Variants in BANP observed in about 807,000 individuals in gnomAD.
BANP encodes the protein BTG3 associated nuclear protein, also known as protein BANP.
In BANP, 11 loss-of-function variants were observed where a neutral mutation model predicts 68.1. The observed-to-expected ratio is 0.16, with a 90% CI of 0.10 to 0.27. The LOEUF (loss-of-function observed/expected upper bound fraction) is 0.27. Ranked by LOEUF, BANP falls within the 10% of genes least tolerant of loss-of-function variation. BANP has a pLI of 1.00. For synonymous variants in BANP, 329 were observed against 303.2 expected, an observed-to-expected ratio of 1.09 and a Z score of -0.88; for missense variants, 504 against 722.7, an observed-to-expected ratio of 0.70 and a Z score of 3.47.
chr16:88,040,535 C>A (rs2080507375), intron 11 of BANP, among the ~76,000 whole-genome samples: 1 of 150,350 alleles, frequency 6.7e-6, no homozygotes, highest in African/African-American at 2.5e-5. Context: ...TCCTCCCCGT[C>A]CCCGTGCCTA....
At chr16:88,031,325 T>C (rs1267548803) in intron 8 of BANP, among the ~76,000 whole-genome samples, 1 of 152,220 alleles carries the variant, frequency 6.6e-6, no homozygotes, top group Non-Finnish European at 1.5e-5. Flanking sequence ...GCTAGGCAAT[T>C]TCTAGCATAT....
rs532949620 is a variant in BANP, at chr16:88,015,977, C to T, written c.656-2451C>T. The stretch of plus-strand genomic sequence containing the variant: ...TGCGCCCAGTCTGGGTTTGGGAGTC[C>T]GGGGACCTTGCAGTGGGACAGTTCC... On this transcript the variant is annotated intron_variant, in intron 6 of 13. Transcript: ENST00000682872. Among the ~76,000 whole-genome samples, 16 of 152,266 alleles carry T rather than the reference C, an allele frequency of 1.1e-4. No homozygotes were observed. In the East Asian group the frequency reaches 1.4e-3, roughly 13 times the overall value.
intron 8 of BANP, among the ~76,000 whole-genome samples, chr16:88,027,859 T>G (rs1416589057): frequency 6.6e-6 from 1 of 152,238 alleles, no homozygotes; most frequent in South Asian, 2.1e-4. Context: ...TCGGGCCTGC[T>G]CCAGGCTCCT....
Position 88,071,954 on chromosome 16 carries a change from G to C in BANP, c.1378-115G>C, listed in dbSNP as rs2090450572. 6 of 1,399,986 alleles carry C rather than the reference G, an allele frequency of 4.3e-6. No homozygotes were observed. The highest frequency in any genetic ancestry group is 1.4e-5 in the African/African-American group (1 of 70,096). The allele number at this position is 1,399,986 out of a possible 1,614,324, so 86.7% of individuals were successfully genotyped here. The stretch of plus-strand genomic sequence containing the variant: ...GGTGTGGCCCTGAGGCCGTGTCCCT[G>C]CCGCTCAGGGGACAGCACGTGTGGG... On this transcript the variant is annotated intron_variant, in intron 12 of 13. Coordinates refer to ENST00000682872, the MANE Select transcript of BANP (RefSeq NM_001386991.1). This position sits in a 1 kb window ranked among gnomAD's most constrained non-coding sequence, Gnocchi z 6.5.
chr16:87,955,398 A>G (rs943112194), intron 1 of BANP, among the ~76,000 whole-genome samples: 3 of 152,222 alleles, frequency 2.0e-5, no homozygotes, highest in Admixed American at 2.0e-4. Flanking sequence ...GACTTTACAG[A>G]AAAGATGCAA....
chr16:87,973,794 A>C (rs1232582416), intron 1 of BANP, among the ~76,000 whole-genome samples: 3 of 151,844 alleles, frequency 2.0e-5, no homozygotes, highest in Non-Finnish European at 4.4e-5. Flanking sequence ...AAAAAATTCT[A>C]GAGTTGCCAT....
At chr16:87,956,456 G>A (rs965451233) in intron 1 of BANP, 4 of 152,254 alleles carry the variant, frequency 2.6e-5, no homozygotes, top group Admixed American at 6.5e-5. Context: ...TGAACCATCC[G>A]GAACTTTGGG....
chr16:88,033,629 G>C (rs2078686186), intron 9 of BANP, among the ~76,000 whole-genome samples: 1 of 152,200 alleles, frequency 6.6e-6, no homozygotes, highest in Admixed American at 6.5e-5. Flanking sequence ...CTCTTACTGA[G>C]GGAAAGAGTA....
chr16:88,051,001 CTGCT>C (rs1425912281), intron 11 of BANP, among the ~76,000 whole-genome samples: 1 of 152,222 alleles, frequency 6.6e-6, no homozygotes, highest in Non-Finnish European at 1.5e-5. Context: ...TGTTTCTCAT[CTGCT>C]TGCTGGTAGG....
At position 88,036,766 on chromosome 16, in the gene BANP, G is replaced by A. The variant is rs928825804; in HGVS notation, c.1273-1207G>A. 1.3e-5 allele frequency among the ~76,000 whole-genome samples: 2 copies of A among 152,218 alleles called. No homozygotes were observed. The highest frequency in any genetic ancestry group is 4.8e-5 in the African/African-American group (2 of 41,456). On this transcript the variant is annotated intron_variant, in intron 10 of 13. Coordinates refer to ENST00000682872, the MANE Select transcript of BANP (RefSeq NM_001386991.1). The surrounding 1 kb of genome is among the most constrained non-coding windows in gnomAD (Gnocchi z 4.2). ...ATGGATGGAAGGAAGCAGCAGGGCG[G>A]GGAGCAGGTAGGGGACGGTCCCAGG...
chr16:88,018,716 C>T lies in BANP; in HGVS notation c.895+49C>T, dbSNP rs1185842463. On this transcript the variant is annotated intron_variant, in intron 7 of 13. Coordinates refer to ENST00000682872, the MANE Select transcript of BANP (RefSeq NM_001386991.1). The surrounding 1 kb of genome is among the most constrained non-coding windows in gnomAD (Gnocchi z 7.7). ...GACTGGGGTGTGCGGGGAGCTGGGT[C>T]AGGACCCACATTTCAATGCTGAGGA... 7 of 1,524,004 alleles carry T rather than the reference C, an allele frequency of 4.6e-6. No homozygotes were observed. In the South Asian group the frequency reaches 8.6e-5, roughly 19 times the overall value. The allele number at this position is 1,524,004 out of a possible 1,614,324, so 94.4% of individuals were successfully genotyped here.
intron 11 of BANP, among the ~76,000 whole-genome samples, chr16:88,045,668 G>A (rs1486757197): frequency 1.3e-5 from 2 of 152,072 alleles, no homozygotes; most frequent in Admixed American, 6.5e-5. Flanking sequence ...AATTGGAGGT[G>A]TGGTGCCACC....
At position 88,006,186 on chromosome 16, in the gene BANP, C is replaced by T. The variant is rs528806022; in HGVS notation, c.576C>T (p.Ser192=). 1.2e-5 allele frequency: 19 copies of T among 1,613,810 alleles called. No individual in the cohort carries two copies. The highest frequency in any genetic ancestry group is 3.3e-5 in the Admixed American group (2 of 60,026). ...ACGGGGAGAGCGGCTCGGAGGCCAG[C>T]GACTCTGTGTCCAGCTGTGGGCAGG... The part of the protein sequence containing the change: ...HEDGESGSEA[S]DSVSSCGQAG... Residue 192 remains serine, a synonymous_variant, in exon 6 of 14, where the codon AGC becomes AGT. Transcript: ENST00000682872.
chr16:88,029,109 C>G (rs113534767), intron 8 of BANP, among the ~76,000 whole-genome samples: 1 of 151,590 alleles, frequency 6.6e-6, no homozygotes, highest in East Asian at 2.0e-4. Flanking sequence ...CAGTTTGAGA[C>G]CAGCCTGGAC....
upstream of BANP, among the ~76,000 whole-genome samples, chr16:87,949,931 C>G (rs367945311): frequency 3.3e-3 from 485 of 148,720 alleles, 5 homozygotes; most frequent in African/African-American, 0.012. Flanking sequence ...AGGCTGGAGT[C>G]CAGTGGCGCC....
At chr16:88,029,673 T>C (rs1598624095) in intron 8 of BANP, among the ~76,000 whole-genome samples, 2 of 151,402 alleles carry the variant, frequency 1.3e-5, no homozygotes, top group African/African-American at 4.9e-5. Flanking sequence ...AGGAACCAGA[T>C]TGAATTCTCT....
At chr16:87,994,569 A>G (rs1051179612) in intron 4 of BANP, among the ~76,000 whole-genome samples, 2 of 152,224 alleles carry the variant, frequency 1.3e-5, no homozygotes, top group African/African-American at 4.8e-5. Context: ...TTCATTAGAT[A>G]TTAGGAAGAA....
chr16:87,953,923 T>C (rs967747295), intron 1 of BANP, among the ~76,000 whole-genome samples: 2 of 152,218 alleles, frequency 1.3e-5, no homozygotes, highest in Admixed American at 6.5e-5. Flanking sequence ...TCTTCCTCCT[T>C]GTGGAGACCC....
At chr16:88,047,193 CG>C (rs1334735801) in intron 11 of BANP, among the ~76,000 whole-genome samples, 1 of 152,132 alleles carries the variant, frequency 6.6e-6, no homozygotes, top group African/African-American at 2.4e-5. Flanking sequence ...CCAGAGCTCC[CG>C]GGGCTGCCAG....
Sources: gnomAD v4.1 joint callset for allele counts (sites outside exome capture counted in the v4.1 genomes callset) on GRCh38, gnomAD v4.1.1 for gene constraint, Gnocchi (gnomAD v3.1) non-coding constraint, MANE v1.5 for transcripts, NCBI Gene and HGNC (gene_info 2026-07-23, HGNC 2026-07-21) for gene names.